Variants in VDAC1 observed in about 807,000 individuals in gnomAD.
VDAC1 encodes the protein non-selective voltage-gated ion channel VDAC1.
Under a neutral mutation model 34.7 loss-of-function variants are expected in VDAC1, and 10 were observed. The ratio of observed to expected loss-of-function variants is 0.29; its 90% CI spans 0.18 to 0.49. VDAC1 has a LOEUF of 0.49. Among genes scored for constraint, VDAC1 ranks in the 20% least tolerant of loss-of-function variants. The probability of loss-of-function intolerance (pLI) is 0.99; values close to 1 mark genes in which losing one functional copy is unlikely to be tolerated. For synonymous variants in VDAC1, 130 were observed against 136.0 expected (o/e 0.96, Z 0.30); for missense variants, 230 against 347.9 (o/e 0.66, Z 2.69).
the VDAC1 span, among the ~76,000 whole-genome samples, chr5:134,054,562 G>A: frequency 7.0e-6 from 1 of 143,698 alleles, no homozygotes; most frequent in African/African-American, 2.6e-5. Context: ...CCAGGTTCAA[G>A]CAATTCTCCC....
chr5:134,034,188 A>T, the VDAC1 span, among the ~76,000 whole-genome samples: 1 of 152,154 alleles, frequency 6.6e-6, no homozygotes, highest in Non-Finnish European at 1.5e-5. Context: ...CGCAAAAAAA[A>T]AAAATAAAAA....
At chr5:134,071,377 C>G in the VDAC1 span, among the ~76,000 whole-genome samples, 1 of 152,172 alleles carries the variant, frequency 6.6e-6, no homozygotes, top group Non-Finnish European at 1.5e-5. The surrounding 1 kb of genome is among the most constrained non-coding windows in gnomAD (Gnocchi z 4.1). Flanking sequence ...GCCCCTTCCC[C>G]CCAACCCTGG....
the VDAC1 span, among the ~76,000 whole-genome samples, chr5:134,049,140 T>C: frequency 6.6e-6 from 1 of 152,364 alleles, no homozygotes; most frequent in South Asian, 2.1e-4. Flanking sequence ...ACTGGGTTTC[T>C]AACCCAGGTC....
At chr5:134,075,645 G>A in the VDAC1 span, among the ~76,000 whole-genome samples, 12 of 151,934 alleles carry the variant, frequency 7.9e-5, no homozygotes, top group East Asian at 5.8e-4. Flanking sequence ...GTGCAGTGGC[G>A]CAATCTCGGC....
At chr5:134,018,006 A>G in the VDAC1 span, among the ~76,000 whole-genome samples, 1 of 152,260 alleles carries the variant, frequency 6.6e-6, no homozygotes, top group African/African-American at 2.4e-5. Context: ...TCACCCCTCT[A>G]TGCAGGTTGC....
chr5:134,099,317 C>G, the VDAC1 span, among the ~76,000 whole-genome samples: 2 of 152,296 alleles, frequency 1.3e-5, no homozygotes, highest in Admixed American at 6.5e-5. Context: ...ATGGGACCAG[C>G]CTTTTACATT....
chr5:134,007,288 G>A (rs1024978985), upstream of VDAC1, among the ~76,000 whole-genome samples: 2 of 151,874 alleles, frequency 1.3e-5, no homozygotes, highest in Non-Finnish European at 2.9e-5. Context: ...TCAGTAACTG[G>A]GCCAGGCTCA....
chr5:134,056,073 TACTA>T, the VDAC1 span, among the ~76,000 whole-genome samples: 3 of 151,788 alleles, frequency 2.0e-5, no homozygotes, highest in African/African-American at 7.3e-5. Context: ...ACCCCATCTC[TACTA>T]AAAAGATACA....
the VDAC1 span, among the ~76,000 whole-genome samples, chr5:134,063,897 A>G: frequency 6.6e-6 from 1 of 152,124 alleles, no homozygotes; most frequent in East Asian, 1.9e-4. Flanking sequence ...CAGTAGCACA[A>G]TTAGAGCTCA....
the VDAC1 span, among the ~76,000 whole-genome samples, chr5:134,108,398 A>G: frequency 1.3e-5 from 2 of 152,196 alleles, no homozygotes; most frequent in African/African-American, 4.8e-5. Flanking sequence ...GTGAGAATCC[A>G]TTTGGGCAGG....
chr5:134,053,748 G>T, the VDAC1 span, among the ~76,000 whole-genome samples: 2 of 152,198 alleles, frequency 1.3e-5, no homozygotes, highest in African/African-American at 2.4e-5. Context: ...CCATACGGCA[G>T]TCAACCAGCG....
chr5:134,097,095 G>T, the VDAC1 span, among the ~76,000 whole-genome samples: 1 of 152,190 alleles, frequency 6.6e-6, no homozygotes, highest in Non-Finnish European at 1.5e-5. Flanking sequence ...ATCAGCATTA[G>T]TGCTGTCAGG....
At chr5:134,024,910 C>T in the VDAC1 span, among the ~76,000 whole-genome samples, 1 of 152,232 alleles carries the variant, frequency 6.6e-6, no homozygotes, top group East Asian at 1.9e-4. Context: ...GCTGAGCTAC[C>T]ATACACGTGA....
chr5:134,090,532 T>C, the VDAC1 span, among the ~76,000 whole-genome samples: 3 of 152,242 alleles, frequency 2.0e-5, no homozygotes, highest in Admixed American at 2.0e-4. Flanking sequence ...ATGAAATGCT[T>C]TGGCCTGGTT....
the VDAC1 span, among the ~76,000 whole-genome samples, chr5:134,035,541 C>T: frequency 2.0e-5 from 3 of 152,112 alleles, no homozygotes; most frequent in African/African-American, 7.2e-5. Flanking sequence ...AGCCAACACA[C>T]CAGCGAACAT....
At chr5:134,110,824 G>T in the VDAC1 span, among the ~76,000 whole-genome samples, 16 of 152,242 alleles carry the variant, frequency 1.1e-4, no homozygotes, top group Non-Finnish European at 2.4e-4. Context: ...CAGAGTTCAC[G>T]TGGGCCTTTC....
chr5:134,063,936 G>A, the VDAC1 span, among the ~76,000 whole-genome samples: 45 of 151,238 alleles, frequency 3.0e-4, 1 homozygote, highest in South Asian at 1.7e-3. Flanking sequence ...AGACTCAAGC[G>A]ATTCCCCCTC....
chr5:134,037,477 T>C, the VDAC1 span, among the ~76,000 whole-genome samples: 2 of 152,210 alleles, frequency 1.3e-5, no homozygotes, highest in Admixed American at 6.6e-5. Context: ...TTAACTAGCC[T>C]ATATTAAGGC....
chr5:134,063,995 A>ATT, the VDAC1 span, among the ~76,000 whole-genome samples: 436 of 86,506 alleles, frequency 5.0e-3, 6 homozygotes, highest in African/African-American at 0.019. Context: ...ACCTGTACTA[A>ATT]TTTTTTTTTT....
Sources: allele counts gnomAD v4.1 joint callset (sites outside exome capture counted in the v4.1 genomes callset), GRCh38; gene constraint gnomAD v4.1.1; non-coding constraint Gnocchi (gnomAD v3.1); transcripts MANE v1.5; gene names NCBI Gene and HGNC (gene_info 2026-07-23, HGNC 2026-07-21).